Variants in PTPRD observed in about 807,000 individuals in gnomAD.
PTPRD encodes the protein protein tyrosine phosphatase receptor type D.
A neutral mutation model predicts 214.5 loss-of-function variants in PTPRD; 34 were observed. That is an observed-to-expected ratio of 0.16 (90% confidence interval 0.12 to 0.21). PTPRD has a LOEUF of 0.21. PTPRD is among the 10% of genes least tolerant of loss of function. The probability of loss-of-function intolerance (pLI) is 1.00; values close to 1 mark genes in which losing one functional copy is unlikely to be tolerated. For synonymous variants in PTPRD, 1,128 were observed against 845.7 expected, an observed-to-expected ratio of 1.33 and a Z score of -5.79; for missense variants, 2,545 against 2,398.7, an observed-to-expected ratio of 1.06 and a Z score of -1.27.
chr9:9,617,100 G>A (rs2094919520), intron 7 of PTPRD, among the ~76,000 whole-genome samples: 1 of 152,126 alleles, frequency 6.6e-6, no homozygotes, highest in South Asian at 2.1e-4. Flanking sequence ...CTTGTTATGT[G>A]ATGCTGAGCT....
At chr9:9,660,200 T>A (rs2096595891) in intron 7 of PTPRD, among the ~76,000 whole-genome samples, 1 of 151,996 alleles carries the variant, frequency 6.6e-6, no homozygotes, top group African/African-American at 2.4e-5. Context: ...AAGAAACACC[T>A]GGGCATATAA....
intron 39 of PTPRD, among the ~76,000 whole-genome samples, chr9:8,362,900 T>C (rs1240052125): frequency 1.3e-5 from 2 of 152,312 alleles, no homozygotes; most frequent in South Asian, 2.1e-4. Context: ...AAGCTAAGTA[T>C]GTAGTGAAAG....
intron 30 of PTPRD, among the ~76,000 whole-genome samples, chr9:8,475,239 T>A (rs2096739495): frequency 6.6e-6 from 1 of 152,172 alleles, no homozygotes; most frequent in South Asian, 2.1e-4. Context: ...AAAGGGGAGT[T>A]TCTGGTACTC....
intron 4 of PTPRD, among the ~76,000 whole-genome samples, chr9:10,002,085 TTGTATTAATCTG>T (rs1321672972): frequency 6.6e-6 from 1 of 151,748 alleles, no homozygotes; most frequent in Non-Finnish European, 1.5e-5. Context: ...TGAAATTAAG[TTGTATTAATCTG>T]AACTAGATTG....
chr9:8,614,403 G>C (rs908615922), intron 14 of PTPRD, among the ~76,000 whole-genome samples: 4 of 152,088 alleles, frequency 2.6e-5, no homozygotes, highest in African/African-American at 7.2e-5. Flanking sequence ...ACCAGGTATA[G>C]GTTTATTCAT....
intron 2 of PTPRD, among the ~76,000 whole-genome samples, chr9:10,577,474 G>A (rs1190816232): frequency 6.6e-6 from 1 of 152,198 alleles, no homozygotes; most frequent in Non-Finnish European, 1.5e-5. Context: ...ACTGGATCAT[G>A]TCTTACCTTG....
chr9:9,682,685 C>T (rs139702305), intron 7 of PTPRD, among the ~76,000 whole-genome samples: 84 of 151,810 alleles, frequency 5.5e-4, no homozygotes, highest in Admixed American at 1.9e-3. Context: ...AGGACATGCT[C>T]AGCAGATAAG....
intron 3 of PTPRD, among the ~76,000 whole-genome samples, chr9:10,319,182 A>G (rs908260663): frequency 1.1e-4 from 17 of 152,092 alleles, no homozygotes; most frequent in African/African-American, 4.1e-4. Context: ...GGCAGGGGAC[A>G]GTGACTACCT....
chr9:10,471,138 C>T (rs138004092), intron 2 of PTPRD, among the ~76,000 whole-genome samples: 138 of 137,438 alleles, frequency 1.0e-3, no homozygotes, highest in Middle Eastern at 3.6e-3. Context: ...CACACCAGGG[C>T]CTGTTGTGGG....
At chr9:10,498,151 C>T (rs551853470) in intron 2 of PTPRD, among the ~76,000 whole-genome samples, 1 of 151,908 alleles carries the variant, frequency 6.6e-6, no homozygotes, top group East Asian at 1.9e-4. Context: ...CTTTAGGATA[C>T]TGTTTGTAAT....
At chr9:9,185,876 T>TC (rs1333523842) in intron 9 of PTPRD, among the ~76,000 whole-genome samples, 1 of 151,356 alleles carries the variant, frequency 6.6e-6, no homozygotes, top group Non-Finnish European at 1.5e-5. Context: ...TTTTTTTCTT[T>TC]TTTTTTTTGC....
intron 8 of PTPRD, among the ~76,000 whole-genome samples, chr9:9,572,624 G>A (rs1053334344): frequency 1.9e-4 from 27 of 145,456 alleles, no homozygotes; most frequent in Admixed American, 2.1e-4. Flanking sequence ...ATACATATAT[G>A]TATATATATG....
intron 9 of PTPRD, among the ~76,000 whole-genome samples, chr9:9,366,732 T>C (rs971565916): frequency 4.6e-5 from 7 of 151,390 alleles, no homozygotes; most frequent in African/African-American, 7.3e-5. Context: ...ATTAAGAATA[T>C]GGAAAAATTC....
At chr9:9,036,518 A>G (rs950975674) in intron 10 of PTPRD, among the ~76,000 whole-genome samples, 3 of 152,134 alleles carry the variant, frequency 2.0e-5, no homozygotes, top group African/African-American at 7.2e-5. Context: ...TCTGAATAGA[A>G]TATGGACTTT....
intron 5 of PTPRD, among the ~76,000 whole-genome samples, chr9:9,852,285 T>A (rs2060693871): frequency 1.3e-5 from 2 of 152,062 alleles, no homozygotes; most frequent in Admixed American, 6.6e-5. Context: ...TGATCTAAAA[T>A]CAGAATTTTG....
At chr9:8,913,300 G>C (rs190800180) in intron 11 of PTPRD, among the ~76,000 whole-genome samples, 6 of 152,180 alleles carry the variant, frequency 3.9e-5, no homozygotes, top group African/African-American at 1.4e-4. Flanking sequence ...TAAAACGTGA[G>C]TATTCCTTGC....
chr9:9,762,554 C>T (rs1038812188), intron 6 of PTPRD, among the ~76,000 whole-genome samples: 16 of 152,288 alleles, frequency 1.1e-4, no homozygotes, highest in Admixed American at 7.2e-4. Flanking sequence ...CAGAAACCTC[C>T]TCAGCTAAAC....
intron 2 of PTPRD, among the ~76,000 whole-genome samples, chr9:10,428,304 C>T (rs1010311945): frequency 6.6e-6 from 1 of 151,876 alleles, no homozygotes; most frequent in Non-Finnish European, 1.5e-5. Context: ...AAGACTCTGT[C>T]TTGGGGGAAA....
intron 2 of PTPRD, among the ~76,000 whole-genome samples, chr9:10,455,483 T>G (rs995664097): frequency 6.6e-6 from 1 of 151,702 alleles, no homozygotes; most frequent in African/African-American, 2.4e-5. Flanking sequence ...TGACTTTTTT[T>G]ACATCTCCAC....
Sources: allele counts gnomAD v4.1 joint callset (sites outside exome capture counted in the v4.1 genomes callset), GRCh38; gene constraint gnomAD v4.1.1; transcripts MANE v1.5; gene names NCBI Gene and HGNC (gene_info 2026-07-23, HGNC 2026-07-21).